The following SCAND1 variants were observed in gnomAD, a reference collection of about 807,000 sequenced individuals.
SCAND1 encodes the protein SCAN domain-containing protein 1.
In SCAND1, 3 loss-of-function variants were observed where a neutral mutation model predicts 3.4. That is an observed-to-expected ratio of 0.87 (90% CI 0.40 to 2.25). The LOEUF is 2.25. Ranked by LOEUF, SCAND1 falls within the 30% of genes most tolerant of loss-of-function variation. SCAND1 has a pLI of 0.05. For missense variants in SCAND1, 303 were observed against 258.8 expected (o/e 1.17, Z -1.17); for synonymous variants, 152 against 120.5 (o/e 1.26, Z -1.72).
At position 35,953,855 on chromosome 20, in the gene SCAND1, T is replaced by C; in HGVS notation, c.430A>G (p.Lys144Glu). 1 of 1,591,388 alleles carries C rather than the reference T, an allele frequency of 6.3e-7. No homozygotes were observed. Among genetic ancestry groups the C allele is most frequent in the Non-Finnish European group, 8.5e-7 (1 of 1,171,220 alleles). ...RQWLRPDIRTKEQIVEMLVQE... is the reference protein window; with the variant it reads ...RQWLRPDIRTEEQIVEMLVQE... Reference sequence around the variant, plus strand: ...ACCAGCATCTCCACGATCTGCTCCTTGGTGCGGATGTCAGGCCGCAGCCAC... The same window carrying C: ...ACCAGCATCTCCACGATCTGCTCCTCGGTGCGGATGTCAGGCCGCAGCCAC... The change falls in exon 2 of 2, where the codon AAG becomes GAG. Residue 144 changes from lysine (K) to glutamate (E), a missense_variant. By Grantham distance (56) the Lys-to-Glu change is moderately conservative. Transcript: ENST00000305978.
upstream of SCAND1, chr20:35,954,560 C>G (rs1164743194): frequency 2.0e-6 from 3 of 1,480,756 alleles, no homozygotes; most frequent in Admixed American, 2.1e-5. Flanking sequence ...AAGCGGCGCC[C>G]TCTAGCGTTC....
upstream of SCAND1, chr20:35,954,656 C>G (rs1444012612): frequency 2.4e-6 from 3 of 1,261,222 alleles, no homozygotes; most frequent in Non-Finnish European, 3.1e-6. Flanking sequence ...GGTGGCGCCT[C>G]TGAGCGCCAG....
chr20:35,954,225 C>T lies in SCAND1; in HGVS notation c.60G>A (p.Glu20=), dbSNP rs756907427. Residue 20 remains glutamate (E), a synonymous_variant, in exon 2 of 2, where the codon GAG becomes GAA. Transcript: ENST00000305978. ...ATGSPAAVPP[E]KLEGAGSSSA... is the part of the protein sequence containing the mutation. ...AGCTCGAACCGGCTCCTTCCAGTTTCTCCGGTGGCACCGCCGCGGGACTCC... is the reference window on the plus strand; with the variant it reads ...AGCTCGAACCGGCTCCTTCCAGTTTTTCCGGTGGCACCGCCGCGGGACTCC... 15 of 1,612,802 alleles carry T rather than the reference C, an allele frequency of 9.3e-6. No individual in the cohort carries two copies. Among genetic ancestry groups the T allele is most frequent in the African/African-American group, 5.3e-5 (4 of 74,934 alleles).
chr20:35,955,709 G>A (rs2056249465), upstream of SCAND1, among the ~76,000 whole-genome samples: 1 of 152,128 alleles, frequency 6.6e-6, no homozygotes. Context: ...AAAGCACGTG[G>A]CCCTGACAGC....
upstream of SCAND1, chr20:35,954,986 T>C (rs1378003558): frequency 1.0e-5 from 2 of 190,488 alleles, no homozygotes; most frequent in African/African-American, 2.4e-5. Flanking sequence ...CCGGCCTTAC[T>C]GCGACGATGA....
At chr20:35,955,248 A>G (rs1357185744), upstream of SCAND1, 1 of 153,590 alleles carries the variant, frequency 6.5e-6, no homozygotes, top group Admixed American at 6.5e-5. Context: ...ATATTGTAAA[A>G]TACGGGACTT....
upstream of SCAND1, chr20:35,954,870 C>T (rs1036311718): frequency 1.7e-5 from 5 of 297,540 alleles, no homozygotes; most frequent in Non-Finnish European, 2.8e-5. Context: ...GAGTGGCGCC[C>T]GGCCGGTGGT....
chr20:35,953,764 T>G lies in SCAND1; in HGVS notation c.521A>C (p.Asp174Ala). The G allele has an allele frequency of 6.8e-7, 1 of 1,478,650 alleles. No homozygotes were observed. Among genetic ancestry groups the G allele is most frequent in the Non-Finnish European group, 8.9e-7 (1 of 1,117,670 alleles). 91.6% of individuals were successfully genotyped at this position (1,478,650 alleles called of 1,614,324 possible). A position where few individuals can be genotyped will look rare whatever the true frequency, so the allele number is the denominator to read the frequency against. Residue 174 changes from aspartate to alanine, a missense_variant, in exon 2 of 2, where the codon GAT (aspartate) becomes GCT (alanine). Coordinates refer to ENST00000305978, the MANE Select transcript of SCAND1 (RefSeq NM_033630.3). Reference protein sequence around the residue: ...ARARRIRRRTDVRITG With the variant: ...ARARRIRRRTAVRITG ...CACCGCTCAGCCAGTGATGCGCACATCCGTGCGGCGGCGGATCCGCCGGGC... is the reference window on the plus strand; with the variant it reads ...CACCGCTCAGCCAGTGATGCGCACAGCCGTGCGGCGGCGGATCCGCCGGGC...
At chr20:35,956,713 G>T (rs957967851), upstream of SCAND1, among the ~76,000 whole-genome samples, 4 of 152,166 alleles carry the variant, frequency 2.6e-5, no homozygotes, top group Non-Finnish European at 5.9e-5. Context: ...GTGGTAACAG[G>T]TACTCAGTTT....
In SCAND1 at chr20:35,954,501, G is replaced by C. The variant is rs1157571129; in HGVS notation, c.-109C>G. ...GGAAGCGAAAGTCTCTGGCTTCTCT[G>C]CGTCCAGGTCGGCGCGCGAGCACCC... On this transcript the variant is annotated 5_prime_UTR_variant, in exon 1 of 2. Transcript: ENST00000305978. 1 of 1,539,412 alleles carries C rather than the reference G, an allele frequency of 6.5e-7. No individual in the cohort carries two copies. Among genetic ancestry groups the C allele is most frequent in the Admixed American group, 2.0e-5 (1 of 50,676 alleles).
chr20:35,953,811 G>A lies in SCAND1; in HGVS notation c.474C>T (p.Ala158=), dbSNP rs2056205680. Residue 158 remains alanine, a synonymous_variant, in exon 2 of 2, where the codon GCC becomes GCT. Transcript: ENST00000305978. ...GGGCCCGAGCCGCCTCGGGCAGGATGGCGAGCAGCTGCTCTTGCACCAGCA... is the reference window on the plus strand; with the variant it reads ...GGGCCCGAGCCGCCTCGGGCAGGATAGCGAGCAGCTGCTCTTGCACCAGCA... The part of the protein sequence containing the change: ...VEMLVQEQLL[A]ILPEAARARR... 3 of 1,547,440 alleles carry A rather than the reference G, an allele frequency of 1.9e-6. No homozygotes were observed. The highest frequency in any genetic ancestry group is 1.4e-5 in the African/African-American group (1 of 72,352).
chr20:35,954,519 G>A (rs1226592506), upstream of SCAND1: 6 of 1,527,910 alleles, frequency 3.9e-6, no homozygotes, highest in Non-Finnish European at 4.4e-6. Flanking sequence ...GTCGGCGCGC[G>A]AGCACCCGGA....
upstream of SCAND1, among the ~76,000 whole-genome samples, chr20:35,956,436 A>C (rs1204686572): frequency 6.6e-6 from 1 of 152,208 alleles, no homozygotes; most frequent in African/African-American, 2.4e-5. Context: ...AGTAGAGACG[A>C]CTTCCTTTAG....
At chr20:35,955,738 C>G (rs1041956490), upstream of SCAND1, among the ~76,000 whole-genome samples, 25 of 152,108 alleles carry the variant, frequency 1.6e-4, no homozygotes, top group African/African-American at 4.3e-4. Flanking sequence ...AGGTGGTTTT[C>G]TGTTTGGTAG....
upstream of SCAND1, chr20:35,957,841 T>C (rs2056271792): frequency 6.6e-6 from 1 of 152,188 alleles, no homozygotes; most frequent in Non-Finnish European, 1.5e-5. Flanking sequence ...ATTAGGCCTC[T>C]TTATCCCTAG....
At chr20:35,954,592 C>T, upstream of SCAND1, 2 of 1,415,504 alleles carry the variant, frequency 1.4e-6, no homozygotes, top group Non-Finnish European at 1.9e-6. Context: ...GAGGCGGCTG[C>T]TGCCCTCGCG....
In SCAND1 at chr20:35,953,946, C is replaced by T; in HGVS notation, c.339G>A (p.Gln113=). 6.3e-7 allele frequency: 1 copy of T among 1,578,732 alleles called. No homozygotes were observed. Among genetic ancestry groups the T allele is most frequent in the Non-Finnish European group, 8.6e-7 (1 of 1,163,444 alleles). Residue 113 remains glutamine (Q), a synonymous_variant, in exon 2 of 2, where the codon CAG becomes CAA. Coordinates refer to ENST00000305978, the MANE Select transcript of SCAND1 (RefSeq NM_033630.3). ...GACCCGCCGCATCCTGGTAGCGGAA[C>T]TGCCGGAAACGCTGGCGGAACGTCT... ...GPETFRQRFR[Q]FRYQDAAGPR... is the part of the protein sequence containing the mutation.
upstream of SCAND1, chr20:35,954,586 C>T (rs1224240768): frequency 7.0e-7 from 1 of 1,426,462 alleles, no homozygotes; most frequent in African/African-American, 1.4e-5. Flanking sequence ...TCGCATGAGG[C>T]GGCTGCTGCC....
rs1360328666 is a variant in SCAND1 at position 35,954,243 on chromosome 20, G to C, written c.42C>G (p.Pro14=). ...TEPILAATGS[P]AAVPPEKLEG... is the part of the protein sequence containing the mutation. The stretch of plus-strand genomic sequence containing the variant: ...CCAGTTTCTCCGGTGGCACCGCCGC[G>C]GGACTCCCAGTGGCCGCCAAGATCG... Residue 14 remains proline (P), a synonymous_variant, in exon 2 of 2, where the codon CCC becomes CCG. Coordinates refer to ENST00000305978, the MANE Select transcript of SCAND1 (RefSeq NM_033630.3). 6.2e-7 allele frequency: 1 copy of C among 1,612,964 alleles called. No individual in the cohort carries two copies. Among genetic ancestry groups the C allele is most frequent in the East Asian group, 2.2e-5 (1 of 44,862 alleles).
Sources: gnomAD v4.1 joint callset for allele counts (sites outside exome capture counted in the v4.1 genomes callset) on GRCh38, gnomAD v4.1.1 for gene constraint, MANE v1.5 for transcripts, NCBI Gene and HGNC (gene_info 2026-07-23, HGNC 2026-07-21) for gene names.